Variants in CACNA2D1 observed in about 807,000 individuals in gnomAD.
The protein encoded by CACNA2D1 is calcium voltage-gated channel auxiliary subunit alpha2delta 1.
A neutral mutation model predicts 171.5 loss-of-function variants in CACNA2D1; 53 were observed. The observed-to-expected ratio is 0.31, with a 90% CI of 0.25 to 0.39. CACNA2D1 has a LOEUF of 0.39. Among genes scored for constraint, CACNA2D1 ranks in the 10% least tolerant of loss-of-function variants. The pLI is 1.00. For synonymous variants in CACNA2D1, 442 were observed against 443.1 expected, an observed-to-expected ratio of 1.00 and a Z score of 0.03; for missense variants, 903 against 1,299.8, an observed-to-expected ratio of 0.69 and a Z score of 4.69.
chr7:81,958,428 G>A (rs1793696496), intron 38 of CACNA2D1, among the ~76,000 whole-genome samples: 1 of 151,982 alleles, frequency 6.6e-6, no homozygotes, highest in Non-Finnish European at 1.5e-5. Context: ...GAATTAGGAA[G>A]TATTGTATTT....
intron 8 of CACNA2D1, among the ~76,000 whole-genome samples, chr7:82,066,164 C>T (rs1055623389): frequency 1.3e-5 from 2 of 152,084 alleles, no homozygotes; most frequent in Non-Finnish European, 2.9e-5. Context: ...AACTGGATCC[C>T]TGCCATAGAA....
chr7:82,107,586 CTTT>C (rs72498624), intron 6 of CACNA2D1, among the ~76,000 whole-genome samples: 7 of 135,648 alleles, frequency 5.2e-5, no homozygotes, highest in Non-Finnish European at 9.4e-5. Flanking sequence ...TGAAAATAAA[CTTT>C]TTTTTTTTTT....
chr7:82,169,007 A>G (rs1376513394), intron 4 of CACNA2D1, among the ~76,000 whole-genome samples: 2 of 152,098 alleles, frequency 1.3e-5, no homozygotes, highest in Non-Finnish European at 2.9e-5. Flanking sequence ...CCATACATCT[A>G]TTATGACTTT....
chr7:82,125,093 TAGACA>T (rs1790177984), intron 5 of CACNA2D1, among the ~76,000 whole-genome samples: 1 of 152,192 alleles, frequency 6.6e-6, no homozygotes. Flanking sequence ...AATTTTAATG[TAGACA>T]AGACTCTGCT....
intron 1 of CACNA2D1, among the ~76,000 whole-genome samples, chr7:82,434,451 T>C (rs1829952576): frequency 6.6e-6 from 1 of 152,164 alleles, no homozygotes; most frequent in Admixed American, 6.5e-5. Flanking sequence ...GCATTAAGTC[T>C]ACTTAATTAG....
intron 26 of CACNA2D1, among the ~76,000 whole-genome samples, chr7:81,971,248 C>G (rs1013707036): frequency 6.6e-6 from 1 of 151,410 alleles, no homozygotes; most frequent in Non-Finnish European, 1.5e-5. Flanking sequence ...GGAGAATTGT[C>G]TAGAAGCTGC....
rs995575285 is a variant in CACNA2D1 at position 82,314,107 on chromosome 7, G to A, written c.294+21028C>T. Among the ~76,000 whole-genome samples, 4 of 152,036 alleles carry A rather than the reference G, an allele frequency of 2.6e-5. No homozygotes were observed. The South Asian group carries it at 6.2e-4, about 24-fold the overall frequency. On this transcript the variant is annotated intron_variant, in intron 3 of 38. Transcript: ENST00000356860. ...GCTTAAGCCATTTACTTTTTCAATCGCAATAATGTTTGGGTTTCTTTTATA... is the reference window on the plus strand; with the variant it reads ...GCTTAAGCCATTTACTTTTTCAATCACAATAATGTTTGGGTTTCTTTTATA...
At chr7:82,121,141 C>G (rs1789688457) in intron 5 of CACNA2D1, among the ~76,000 whole-genome samples, 1 of 152,054 alleles carries the variant, frequency 6.6e-6, no homozygotes, top group Non-Finnish European at 1.5e-5. Context: ...TCACTACACC[C>G]TTGAGTTGCC....
At chr7:82,306,570 G>A (rs964342453) in intron 3 of CACNA2D1, among the ~76,000 whole-genome samples, 1 of 152,180 alleles carries the variant, frequency 6.6e-6, no homozygotes, top group Non-Finnish European at 1.5e-5. Context: ...ACAAATTTCT[G>A]AGAGACTGGA....
chr7:82,253,811 T>C (rs1805957066), intron 3 of CACNA2D1, among the ~76,000 whole-genome samples: 1 of 152,200 alleles, frequency 6.6e-6, no homozygotes, highest in Admixed American at 6.5e-5. Flanking sequence ...ACCTTGAATT[T>C]AGTATGTTCC....
At chr7:82,123,695 T>C (rs1053003347) in intron 5 of CACNA2D1, among the ~76,000 whole-genome samples, 20 of 152,130 alleles carry the variant, frequency 1.3e-4, no homozygotes, top group African/African-American at 4.8e-4. Context: ...AAATCCAAAA[T>C]GTGTAGCACT....
intron 4 of CACNA2D1, among the ~76,000 whole-genome samples, chr7:82,158,546 A>G (rs1363359205): frequency 6.6e-6 from 1 of 151,936 alleles, no homozygotes; most frequent in Non-Finnish European, 1.5e-5. Context: ...ACATGGGAAT[A>G]TCAGTTTGTA....
chr7:82,417,256 T>C (rs1489597705), intron 1 of CACNA2D1, among the ~76,000 whole-genome samples: 2 of 152,212 alleles, frequency 1.3e-5, no homozygotes, highest in African/African-American at 2.4e-5. Context: ...GAAAGGGCAC[T>C]ATTAACAATT....
chr7:81,955,847 T>TGATAGATTTATAATTATAGTTCAAG (rs1793192206), intron 38 of CACNA2D1, among the ~76,000 whole-genome samples: 1 of 136,356 alleles, frequency 7.3e-6, no homozygotes, highest in Admixed American at 8.6e-5. Flanking sequence ...ATTATTGCCA[T>TGATAGATTTATAATTATAGTTCAAG]GATAGATTTA....
At chr7:82,064,281 A>C in intron 9 of CACNA2D1, 23 bp downstream of exon 9, 1 of 1,492,430 alleles carries the variant, frequency 6.7e-7, no homozygotes, top group South Asian at 1.1e-5. Context: ...CAATATATAA[A>C]TAAGTAGTAT....
chr7:82,078,775 A>C (rs1809320848), intron 7 of CACNA2D1, among the ~76,000 whole-genome samples: 1 of 152,190 alleles, frequency 6.6e-6, no homozygotes. Flanking sequence ...ACAGGTACAG[A>C]AATATAATAT....
chr7:82,028,503 A>T (rs1802233715), intron 12 of CACNA2D1: 1 of 151,862 alleles, frequency 6.6e-6, no homozygotes, highest in Non-Finnish European at 1.5e-5. Flanking sequence ...TTTAAGAAAC[A>T]CATTTGGTAA....
chr7:82,109,210 C>T (rs1788094830), intron 6 of CACNA2D1, among the ~76,000 whole-genome samples: 1 of 151,366 alleles, frequency 6.6e-6, no homozygotes, highest in African/African-American at 2.4e-5. Flanking sequence ...GATGTACTTT[C>T]CAGAATTAAA....
chr7:82,274,803 C>T (rs909668800), intron 3 of CACNA2D1, among the ~76,000 whole-genome samples: 1 of 151,812 alleles, frequency 6.6e-6, no homozygotes, highest in Non-Finnish European at 1.5e-5. Context: ...TAAATCAGTG[C>T]CTGACATACA....
Sources: gnomAD v4.1 joint callset for allele counts (sites outside exome capture counted in the v4.1 genomes callset) on GRCh38, gnomAD v4.1.1 for gene constraint, MANE v1.5 for transcripts, NCBI Gene and HGNC (gene_info 2026-07-23, HGNC 2026-07-21) for gene names.